The following NECAB1 variants were observed in gnomAD, a reference collection of about 807,000 sequenced individuals.
NECAB1 encodes the protein N-terminal EF-hand calcium binding protein 1, also known as N-terminal EF-hand calcium-binding protein 1.
Under a neutral mutation model 57.5 loss-of-function variants are expected in NECAB1, and 29 were observed. The observed-to-expected ratio is 0.50, with a 90% CI of 0.38 to 0.69. The LOEUF (loss-of-function observed/expected upper bound fraction) is 0.69. NECAB1 is among the 30% of genes least tolerant of loss of function. NECAB1 has a pLI of 0.00. For synonymous variants in NECAB1, 142 were observed against 147.7 expected (o/e 0.96, Z 0.28); for missense variants, 372 against 413.8 (o/e 0.90, Z 0.88).
intron 10 of NECAB1, among the ~76,000 whole-genome samples, chr8:90,941,612 C>CTCTA (rs1810672314): frequency 1.3e-5 from 2 of 152,184 alleles, no homozygotes; most frequent in African/African-American, 4.8e-5. Context: ...TTATCAAAGG[C>CTCTA]TAGACATTTG....
chr8:90,807,870 A>G (rs1811880183), intron 2 of NECAB1, among the ~76,000 whole-genome samples: 1 of 152,218 alleles, frequency 6.6e-6, no homozygotes, highest in African/African-American at 2.4e-5. Flanking sequence ...ATTCATTTAA[A>G]AAAAGTGCCC....
chr8:90,918,879 C>T (rs1810039269), intron 6 of NECAB1, among the ~76,000 whole-genome samples: 1 of 151,600 alleles, frequency 6.6e-6, no homozygotes, highest in African/African-American at 2.4e-5. Flanking sequence ...CTTATCTCAA[C>T]CCCTTCCTTG....
chr8:90,839,199 G>A lies in NECAB1; in HGVS notation c.233+14374G>A, dbSNP rs768244977. 8.6e-5 allele frequency among the ~76,000 whole-genome samples: 13 copies of A among 151,920 alleles called. No individual in the cohort carries two copies. In the East Asian group the frequency reaches 1.5e-3, roughly 18 times the overall value. ...CTATAACAAAAACAGTTTAAATATC[G>A]GAAGAGGCTACCACAAAAGGCTAGT... On this transcript the variant is annotated intron_variant, in intron 3 of 12. Coordinates refer to ENST00000417640, the MANE Select transcript of NECAB1 (RefSeq NM_022351.5).
At chr8:90,811,650 T>C (rs1445466641) in intron 2 of NECAB1, among the ~76,000 whole-genome samples, 1 of 152,226 alleles carries the variant, frequency 6.6e-6, no homozygotes, top group Non-Finnish European at 1.5e-5. Flanking sequence ...CAGCTTTATC[T>C]AGGTGTTCAG....
chr8:90,847,045 G>A (rs1353151437), intron 3 of NECAB1, among the ~76,000 whole-genome samples: 2 of 152,130 alleles, frequency 1.3e-5, no homozygotes, highest in Non-Finnish European at 2.9e-5. Flanking sequence ...ACTCATTCCA[G>A]TATTAATTCA....
Position 90,959,103 on chromosome 8 carries a change from A to T in NECAB1, c.*3591A>T. ...TTTTACTAATTAGTTTATCAAACCAAATACTGTGAACGTACCAGGTGTTTA... is the reference window on the plus strand; with the variant it reads ...TTTTACTAATTAGTTTATCAAACCATATACTGTGAACGTACCAGGTGTTTA... On this transcript the variant is annotated 3_prime_UTR_variant, in exon 13 of 13. Coordinates refer to ENST00000417640, the MANE Select transcript of NECAB1 (RefSeq NM_022351.5). 1 of 686,466 alleles carries T rather than the reference A, an allele frequency of 1.5e-6. No individual in the cohort carries two copies. Among genetic ancestry groups the T allele is most frequent in the Non-Finnish European group, 2.4e-6 (1 of 420,626 alleles). The allele number at this position is 686,466 out of a possible 1,614,324, so 42.5% of individuals were successfully genotyped here. A position where few individuals can be genotyped will look rare whatever the true frequency, so the allele number is the denominator to read the frequency against.
intron 2 of NECAB1, among the ~76,000 whole-genome samples, chr8:90,808,974 C>T (rs1192435000): frequency 9.2e-5 from 14 of 152,028 alleles, no homozygotes. Flanking sequence ...TCTTATTTGG[C>T]GGGACTGTCA....
chr8:90,801,991 T>A (rs1811765444), intron 2 of NECAB1, among the ~76,000 whole-genome samples: 1 of 152,196 alleles, frequency 6.6e-6, no homozygotes, highest in Non-Finnish European at 1.5e-5. Flanking sequence ...AAAAAATAAT[T>A]TTGCAGCAAT....
chr8:90,863,417 C>T (rs1290640931), intron 3 of NECAB1, among the ~76,000 whole-genome samples: 2 of 152,054 alleles, frequency 1.3e-5, no homozygotes, highest in African/African-American at 4.8e-5. Flanking sequence ...TCTAAAGTAA[C>T]ATTCTTATTT....
In NECAB1 at chr8:90,907,145, TGTGTGTGAGAGAGA is replaced by T. The variant is rs1186532711; in HGVS notation, c.358-10345_358-10332del. 2.1e-4 allele frequency among the ~76,000 whole-genome samples: 22 copies of T among 104,224 alleles called. No homozygotes were observed. In the East Asian group the frequency reaches 4.9e-3, roughly 23 times the overall value. The allele number at this position is 104,224 out of a possible 152,430, so 68.4% of individuals were successfully genotyped here. A position where few individuals can be genotyped will look rare whatever the true frequency, so the allele number is the denominator to read the frequency against. ...TTTTGTGTGTGTGTGTGTGTGTGTGTGTGTGTGAGAGAGAGAGAGAGAGAGAGAGAGAGAGAGAG... is the reference window on the plus strand; with the variant it reads ...TTTTGTGTGTGTGTGTGTGTGTGTGTGAGAGAGAGAGAGAGAGAGAGAGAG... On this transcript the variant is annotated intron_variant, in intron 5 of 12. Transcript: ENST00000417640.
intron 9 of NECAB1, among the ~76,000 whole-genome samples, chr8:90,939,741 G>GTTTTGT (rs1347645154): frequency 6.6e-6 from 1 of 152,198 alleles, no homozygotes; most frequent in Non-Finnish European, 1.5e-5. Context: ...TCCAACAAAA[G>GTTTTGT]TAGGAATATT....
At chr8:90,851,043 G>A (rs1812672320) in intron 3 of NECAB1, among the ~76,000 whole-genome samples, 1 of 152,156 alleles carries the variant, frequency 6.6e-6, no homozygotes, top group East Asian at 1.9e-4. Context: ...AAGGGTCAAT[G>A]ATTTACTCAA....
intron 3 of NECAB1, among the ~76,000 whole-genome samples, chr8:90,869,558 T>A (rs934431294): frequency 4.6e-5 from 7 of 152,214 alleles, no homozygotes; most frequent in African/African-American, 1.7e-4. Context: ...AGGAGATTAT[T>A]TGGGAGCTTT....
intron 1 of NECAB1, among the ~76,000 whole-genome samples, chr8:90,797,131 A>C (rs919647338): frequency 3.3e-5 from 5 of 152,218 alleles, no homozygotes; most frequent in Non-Finnish European, 7.3e-5. Context: ...TGATAAGGGA[A>C]TGAATCCTCA....
chr8:90,914,964 T>A (rs2130105314), intron 5 of NECAB1, among the ~76,000 whole-genome samples: 1 of 152,338 alleles, frequency 6.6e-6, no homozygotes, highest in Middle Eastern at 3.4e-3. Context: ...AATGACTAAC[T>A]ATAATTTTTT....
At chr8:90,863,262 C>A (rs1808444066) in intron 3 of NECAB1, among the ~76,000 whole-genome samples, 1 of 151,956 alleles carries the variant, frequency 6.6e-6, no homozygotes, top group African/African-American at 2.4e-5. Context: ...TGAAATAAGC[C>A]CACAACATTC....
intron 5 of NECAB1, among the ~76,000 whole-genome samples, chr8:90,892,958 C>T (rs898381170): frequency 2.6e-5 from 4 of 152,166 alleles, no homozygotes; most frequent in African/African-American, 7.2e-5. Flanking sequence ...AGTTCCACCT[C>T]GTGCCAGTCC....
Position 90,824,766 on chromosome 8 carries a change from T to C in NECAB1, c.174T>C (p.Gly58=). Residue 58 remains glycine (G), a synonymous_variant, in exon 3 of 13, where the codon GGT becomes GGC. Coordinates refer to ENST00000417640, the MANE Select transcript of NECAB1 (RefSeq NM_022351.5). ...FEEFKAYFAD[G]VLSGEELHEL... ...AATTCAAAGCATATTTTGCAGATGG[T>C]GTTCTCAGTGGAGAAGAATTACACG... 1 of 1,552,580 alleles carries C rather than the reference T, an allele frequency of 6.4e-7. No homozygotes were observed.
chr8:90,830,652 T>A (rs189950108), intron 3 of NECAB1, among the ~76,000 whole-genome samples: 200 of 152,194 alleles, frequency 1.3e-3, no homozygotes, highest in African/African-American at 4.6e-3. Context: ...GAACCGAGGC[T>A]TGGCTGTGGA....
Sources: gnomAD v4.1 joint callset for allele counts (sites outside exome capture counted in the v4.1 genomes callset) on GRCh38, gnomAD v4.1.1 for gene constraint, MANE v1.5 for transcripts, NCBI Gene and HGNC (gene_info 2026-07-23, HGNC 2026-07-21) for gene names.